CDKAL1: variants seen among roughly 807,000 people sequenced by gnomAD.
CDKAL1 encodes threonylcarbamoyladenosine tRNA methylthiotransferase.
Under a neutral mutation model 68.2 loss-of-function variants are expected in CDKAL1, and 32 were observed. That is an observed-to-expected ratio of 0.47 (90% CI 0.35 to 0.63). The LOEUF is 0.63. CDKAL1 is among the 30% of genes least tolerant of loss of function. CDKAL1 has a pLI of 0.00. For missense variants in CDKAL1, 606 were observed against 696.7 expected (o/e 0.87, Z 1.47); for synonymous variants, 234 against 244.3 (o/e 0.96, Z 0.39).
intron 4 of CDKAL1, among the ~76,000 whole-genome samples, chr6:20,562,988 C>A (rs776788819): frequency 6.6e-6 from 1 of 152,158 alleles, no homozygotes; most frequent in Non-Finnish European, 1.5e-5. Context: ...TTGACTCTTT[C>A]TCTGCTTTCA....
intron 6 of CDKAL1, among the ~76,000 whole-genome samples, chr6:20,754,242 C>A (rs1237315640): frequency 6.6e-6 from 1 of 152,120 alleles, no homozygotes; most frequent in Non-Finnish European, 1.5e-5. Flanking sequence ...ATTGGCCTCC[C>A]AAAGTGCTGG....
chr6:21,174,155 C>T (rs966504096), intron 13 of CDKAL1, among the ~76,000 whole-genome samples: 2 of 152,028 alleles, frequency 1.3e-5, no homozygotes, highest in African/African-American at 2.4e-5. Flanking sequence ...AGATCTCATT[C>T]GCTAAAGGAA....
intron 11 of CDKAL1, among the ~76,000 whole-genome samples, chr6:21,007,787 A>C (rs906892833): frequency 6.6e-6 from 1 of 152,190 alleles, no homozygotes; most frequent in Non-Finnish European, 1.5e-5. Context: ...AGGCCCAAAG[A>C]TGTTAAGTAA....
At chr6:21,182,605 G>T (rs1172476127) in intron 13 of CDKAL1, among the ~76,000 whole-genome samples, 1 of 152,118 alleles carries the variant, frequency 6.6e-6, no homozygotes, top group African/African-American at 2.4e-5. Context: ...TTATTATTAT[G>T]ATTCTGGTAT....
At chr6:21,078,050 G>T (rs1241530422) in intron 12 of CDKAL1, among the ~76,000 whole-genome samples, 1 of 152,162 alleles carries the variant, frequency 6.6e-6, no homozygotes, top group Admixed American at 6.5e-5. Context: ...GGCAAGAGCA[G>T]ATTCTCCCCT....
chr6:21,040,394 ATT>A (rs1769851422), intron 11 of CDKAL1, among the ~76,000 whole-genome samples: 2 of 152,192 alleles, frequency 1.3e-5, no homozygotes, highest in Non-Finnish European at 2.9e-5. Flanking sequence ...GTGTGAGACT[ATT>A]TTCTTTGAGA....
At chr6:20,952,528 T>C (rs1764584283) in intron 9 of CDKAL1, among the ~76,000 whole-genome samples, 1 of 152,196 alleles carries the variant, frequency 6.6e-6, no homozygotes, top group African/African-American at 2.4e-5. Flanking sequence ...TGAATCCATA[T>C]CTATCGTGAG....
chr6:20,813,095 T>C (rs898937361), intron 8 of CDKAL1, among the ~76,000 whole-genome samples: 8 of 152,280 alleles, frequency 5.3e-5, no homozygotes, highest in African/African-American at 1.7e-4. Flanking sequence ...TTTCTGTCTC[T>C]CTCTCTCTCC....
At chr6:20,974,495 G>A (rs1765744259) in intron 10 of CDKAL1, among the ~76,000 whole-genome samples, 1 of 152,156 alleles carries the variant, frequency 6.6e-6, no homozygotes, top group Non-Finnish European at 1.5e-5. Flanking sequence ...CTTTTGTCTT[G>A]TGATAGTGAT....
At chr6:20,822,622 A>G (rs1343323755) in intron 8 of CDKAL1, among the ~76,000 whole-genome samples, 2 of 152,142 alleles carry the variant, frequency 1.3e-5, no homozygotes, top group Non-Finnish European at 2.9e-5. Flanking sequence ...CCCATGTGTC[A>G]CGGGAGAGTC....
At chr6:20,555,541 A>G (rs938369570) in intron 4 of CDKAL1, among the ~76,000 whole-genome samples, 7 of 150,854 alleles carry the variant, frequency 4.6e-5, no homozygotes, top group Non-Finnish European at 1.0e-4. Context: ...GGCTGGTCTC[A>G]AACTCCTTAC....
At chr6:21,118,509 A>C (rs933104151) in intron 13 of CDKAL1, among the ~76,000 whole-genome samples, 1 of 152,264 alleles carries the variant, frequency 6.6e-6, no homozygotes, top group African/African-American at 2.4e-5. Context: ...TTTACAAAGA[A>C]TAGTGAGATG....
At chr6:21,175,024 G>GT (rs1386770008) in intron 13 of CDKAL1, among the ~76,000 whole-genome samples, 1 of 152,152 alleles carries the variant, frequency 6.6e-6, no homozygotes, top group Non-Finnish European at 1.5e-5. Flanking sequence ...CCATTGTAGG[G>GT]TTTTAAGTGG....
chr6:20,902,863 T>C (rs1028688636), intron 9 of CDKAL1, among the ~76,000 whole-genome samples: 1 of 152,094 alleles, frequency 6.6e-6, no homozygotes, highest in Non-Finnish European at 1.5e-5. Context: ...GAAGAGTGCA[T>C]TGGGACAGAA....
intron 10 of CDKAL1, among the ~76,000 whole-genome samples, chr6:20,971,427 TA>T (rs1180700163): frequency 1.3e-5 from 2 of 152,224 alleles, no homozygotes; most frequent in Non-Finnish European, 2.9e-5. Context: ...GCTGCATTGC[TA>T]AATTAAAAAG....
At chr6:21,181,014 GC>G (rs1777767436) in intron 13 of CDKAL1, among the ~76,000 whole-genome samples, 1 of 152,152 alleles carries the variant, frequency 6.6e-6, no homozygotes, top group African/African-American at 2.4e-5. Flanking sequence ...CTTACTGCTG[GC>G]AGAGAGATCA....
intron 5 of CDKAL1, among the ~76,000 whole-genome samples, chr6:20,713,115 TTTAA>T (rs1771926353): frequency 6.6e-6 from 1 of 152,210 alleles, no homozygotes; most frequent in Non-Finnish European, 1.5e-5. Context: ...CTAGGATGAC[TTTAA>T]TTATTTCAAG....
At chr6:21,145,793 A>C (rs1776136714) in intron 13 of CDKAL1, among the ~76,000 whole-genome samples, 2 of 152,162 alleles carry the variant, frequency 1.3e-5, no homozygotes, top group South Asian at 4.1e-4. Context: ...CCAGCTACTC[A>C]GGAGGCAGAC....
intron 10 of CDKAL1, among the ~76,000 whole-genome samples, chr6:20,983,690 C>G (rs575028934): frequency 6.6e-6 from 1 of 152,322 alleles, no homozygotes; most frequent in Admixed American, 6.5e-5. Flanking sequence ...CACTGCACTC[C>G]AGCCTGGGCA....
Sources: allele counts gnomAD v4.1 joint callset (sites outside exome capture counted in the v4.1 genomes callset), GRCh38; gene constraint gnomAD v4.1.1; transcripts MANE v1.5; gene names NCBI Gene and HGNC (gene_info 2026-07-23, HGNC 2026-07-21).